Variants in EXT2 observed in about 807,000 individuals in gnomAD.
The protein encoded by EXT2 is exostosin-2.
EXT2 carries 53 observed loss-of-function variants against 81.6 expected under a neutral mutation model. The ratio of observed to expected loss-of-function variants is 0.65; its 90% CI spans 0.52 to 0.82. EXT2 has a LOEUF of 0.82. EXT2 is among the 40% of genes least tolerant of loss of function. EXT2 has a pLI of 0.00. For missense variants in EXT2, 774 were observed against 910.2 expected (o/e 0.85, Z 1.93); for synonymous variants, 320 against 340.0 (o/e 0.94, Z 0.65).
Position 44,144,368 on chromosome 11 carries a change from G to A in EXT2, c.1173+14230G>A, listed in dbSNP as rs1453227163. On this transcript the variant is annotated intron_variant, in intron 7 of 13. Transcript: ENST00000533608. ...TGGGTGACTTAGAAAACCGGGCCCA[G>A]CAGAAATGAATCTCTAGTCTCTTTG... 3 of 1,563,666 alleles carry A rather than the reference G, an allele frequency of 1.9e-6. No homozygotes were observed. In the Admixed American group the frequency reaches 5.0e-5, roughly 26 times the overall value.
chr11:44,122,031 G>A (rs1412303667), intron 4 of EXT2, among the ~76,000 whole-genome samples: 1 of 152,064 alleles, frequency 6.6e-6, no homozygotes, highest in African/African-American at 2.4e-5. Flanking sequence ...CTTCTGCCTG[G>A]ACATCCTCTT....
chr11:44,171,549 A>T (rs1955073562), intron 7 of EXT2, 62 bp from the exon 8 acceptor site: 3 of 1,612,212 alleles, frequency 1.9e-6, no homozygotes, highest in East Asian at 2.2e-5. Flanking sequence ...ACTATGATAG[A>T]GTATCTAGTT....
intron 8 of EXT2, among the ~76,000 whole-genome samples, chr11:44,193,558 G>A (rs1421221554): frequency 6.6e-6 from 1 of 152,212 alleles, no homozygotes; most frequent in East Asian, 1.9e-4. Flanking sequence ...CCTGGATTCC[G>A]ATTAAGAACT....
At chr11:44,156,321 T>C (rs1410330793) in intron 7 of EXT2, among the ~76,000 whole-genome samples, 1 of 152,162 alleles carries the variant, frequency 6.6e-6, no homozygotes, top group Non-Finnish European at 1.5e-5. Context: ...ACTTTCTACC[T>C]CAATCTCTCT....
At chr11:44,106,580 C>T (rs1241431080) in intron 1 of EXT2, among the ~76,000 whole-genome samples, 1 of 152,138 alleles carries the variant, frequency 6.6e-6, no homozygotes, top group Non-Finnish European at 1.5e-5. Context: ...GTTTTCTTCA[C>T]AGTACATGAT....
At chr11:44,186,277 T>A (rs1013714798) in intron 8 of EXT2, among the ~76,000 whole-genome samples, 3 of 152,222 alleles carry the variant, frequency 2.0e-5, no homozygotes, top group African/African-American at 7.2e-5. Flanking sequence ...ATTTATTACT[T>A]GCAGACTGCT....
chr11:44,135,901 T>C (rs1183917126), intron 7 of EXT2, among the ~76,000 whole-genome samples: 1 of 152,218 alleles, frequency 6.6e-6, no homozygotes, highest in East Asian at 1.9e-4. Flanking sequence ...TTTCTGTTTC[T>C]TCCCACAAAA....
chr11:44,202,990 A>T (rs1955539024), intron 9 of EXT2, among the ~76,000 whole-genome samples: 1 of 152,220 alleles, frequency 6.6e-6, no homozygotes, highest in African/African-American at 2.4e-5. Context: ...AAGTTAGTGC[A>T]TTTGAAGTAA....
chr11:44,171,483 A>G (rs1434602172), intron 7 of EXT2, 128 bp from the exon 8 acceptor site: 32 of 1,399,060 alleles, frequency 2.3e-5, no homozygotes, highest in Non-Finnish European at 3.1e-5. Context: ...CATATGCCCT[A>G]GGCACCCCCA....
At chr11:44,099,591 G>A (rs1394675789) in intron 1 of EXT2, among the ~76,000 whole-genome samples, 1 of 152,142 alleles carries the variant, frequency 6.6e-6, no homozygotes, top group Non-Finnish European at 1.5e-5. Context: ...CAAAGTGCTG[G>A]GATTACAGGT....
intron 6 of EXT2, among the ~76,000 whole-genome samples, chr11:44,127,840 A>C (rs766903670): frequency 5.3e-5 from 8 of 152,306 alleles, no homozygotes; most frequent in Non-Finnish European, 1.0e-4. Context: ...GGTGGTGGAG[A>C]GCCTCATGTA....
chr11:44,212,285 A>T (rs982838273), intron 10 of EXT2, among the ~76,000 whole-genome samples: 2 of 128,638 alleles, frequency 1.6e-5, no homozygotes, highest in Non-Finnish European at 3.2e-5. Flanking sequence ...ACTCCGTCTT[A>T]AAAAAATAAA....
intron 8 of EXT2, chr11:44,172,002 A>T (rs143535214): frequency 2.0e-6 from 1 of 507,746 alleles, no homozygotes; most frequent in Admixed American, 3.2e-5. Flanking sequence ...GTAAGGAGGC[A>T]TGGGTCTTGT....
intron 8 of EXT2, among the ~76,000 whole-genome samples, chr11:44,192,748 A>G (rs758922642): frequency 1.6e-4 from 24 of 152,192 alleles, no homozygotes; most frequent in African/African-American, 5.3e-4. Flanking sequence ...TGTACATGTC[A>G]CAAGACTAGT....
chr11:44,238,437 C>T (rs1955995929), intron 13 of EXT2, among the ~76,000 whole-genome samples: 1 of 152,122 alleles, frequency 6.6e-6, no homozygotes, highest in South Asian at 2.1e-4. Flanking sequence ...TCGCCTGGGG[C>T]TCCCAAAGTG....
intron 8 of EXT2, among the ~76,000 whole-genome samples, chr11:44,183,561 T>C (rs989959250): frequency 6.6e-6 from 1 of 152,224 alleles, no homozygotes; most frequent in African/African-American, 2.4e-5. Flanking sequence ...TAGAATTCTA[T>C]TAAATCTTTG....
At chr11:44,102,085 A>G (rs1953992150) in intron 1 of EXT2, among the ~76,000 whole-genome samples, 1 of 152,110 alleles carries the variant, frequency 6.6e-6, no homozygotes, top group Non-Finnish European at 1.5e-5. Context: ...ATTGAAGGGG[A>G]GGCTGGATCT....
chr11:44,202,464 T>C (rs147666136), intron 9 of EXT2, among the ~76,000 whole-genome samples: 8 of 152,344 alleles, frequency 5.3e-5, no homozygotes, highest in African/African-American at 1.9e-4. Context: ...AGTTCCATGT[T>C]CTTTTGTTTT....
chr11:44,180,695 C>T (rs1489592193), intron 8 of EXT2, among the ~76,000 whole-genome samples: 2 of 152,310 alleles, frequency 1.3e-5, no homozygotes, highest in South Asian at 2.1e-4. Flanking sequence ...TGTCTCTGCT[C>T]TGTTGGATTT....
Sources: allele counts gnomAD v4.1 joint callset (sites outside exome capture counted in the v4.1 genomes callset), GRCh38; gene constraint gnomAD v4.1.1; transcripts MANE v1.5; gene names NCBI Gene and HGNC (gene_info 2026-07-23, HGNC 2026-07-21).